The following PTPRT variants were observed in gnomAD, a reference collection of about 807,000 sequenced individuals.
PTPRT encodes the protein protein tyrosine phosphatase receptor type T.
A neutral mutation model predicts 176.8 loss-of-function variants in PTPRT; 56 were observed. The ratio of observed to expected loss-of-function variants is 0.32; its 90% confidence interval spans 0.26 to 0.40. PTPRT has a LOEUF of 0.40. Among genes scored for constraint, PTPRT ranks in the 10% least tolerant of loss-of-function variants. PTPRT has a pLI of 1.00. For synonymous variants in PTPRT, 783 were observed against 739.0 expected (o/e 1.06, Z -0.96); for missense variants, 1,540 against 1,908.2 (o/e 0.81, Z 3.60).
intron 1 of PTPRT, among the ~76,000 whole-genome samples, chr20:43,011,889 G>C (rs1254630721): frequency 6.6e-6 from 1 of 152,208 alleles, no homozygotes; most frequent in Non-Finnish European, 1.5e-5. Flanking sequence ...GACTTGCTGA[G>C]TCTTCCGGCC....
intron 2 of PTPRT, among the ~76,000 whole-genome samples, chr20:42,817,599 A>G (rs1201722971): frequency 6.6e-6 from 1 of 152,206 alleles, no homozygotes; most frequent in Non-Finnish European, 1.5e-5. Context: ...GGTGAGAAAA[A>G]CAATCTCTAA....
intron 9 of PTPRT, among the ~76,000 whole-genome samples, chr20:42,414,809 T>A (rs1213382914): frequency 6.6e-6 from 1 of 152,222 alleles, no homozygotes; most frequent in Non-Finnish European, 1.5e-5. Context: ...CAATTCTTCC[T>A]AAATTAATCT....
At chr20:42,861,228 G>A (rs956582208) in intron 2 of PTPRT, among the ~76,000 whole-genome samples, 9 of 152,226 alleles carry the variant, frequency 5.9e-5, no homozygotes, top group African/African-American at 7.2e-5. Flanking sequence ...GGGTGGTAAT[G>A]GCTTCCCAAA....
intron 1 of PTPRT, among the ~76,000 whole-genome samples, chr20:43,088,357 TG>T (rs1229199097): frequency 1.3e-5 from 2 of 150,452 alleles, no homozygotes; most frequent in African/African-American, 5.0e-5. Context: ...TGTGTGTGTG[TG>T]TGTGTGTGTG....
At chr20:42,466,050 T>C (rs1203945071) in intron 8 of PTPRT, among the ~76,000 whole-genome samples, 1 of 152,194 alleles carries the variant, frequency 6.6e-6, no homozygotes, top group Non-Finnish European at 1.5e-5. Context: ...CCTGTGTTAG[T>C]CTGCTGAGGA....
Position 42,832,892 on chromosome 20 carries a change from C to T in PTPRT, c.215-41426G>A, listed in dbSNP as rs113096595. Among the ~76,000 whole-genome samples, 1,308 of 150,226 alleles carry T rather than the reference C, an allele frequency of 8.7e-3. 15 individuals are homozygous for T. Among genetic ancestry groups the T allele is most frequent in the Non-Finnish European group, 0.013 (889 of 67,808 alleles). ...ACAGAGGTGGGAGGATTGTTTGAGC[C>T]GAGGAGTTTGAGATCAGCCTGGGCA... On this transcript the variant is annotated intron_variant, in intron 2 of 30. Transcript: ENST00000373187.
At chr20:42,379,810 G>A (rs1188221922) in intron 9 of PTPRT, among the ~76,000 whole-genome samples, 1 of 152,202 alleles carries the variant, frequency 6.6e-6, no homozygotes, top group Non-Finnish European at 1.5e-5. Context: ...GTGCCCCCAT[G>A]CTTTCCTCCA....
chr20:42,780,124 GT>G (rs1327043311), intron 4 of PTPRT, 93 bp downstream of exon 4: 17 of 1,010,882 alleles, frequency 1.7e-5, no homozygotes, highest in Non-Finnish European at 2.2e-5. Flanking sequence ...AGTGAGAGAT[GT>G]TTGTAAGCTG....
In PTPRT at chr20:42,458,682, C is replaced by T. The variant is rs535638848; in HGVS notation, c.1451-10353G>A. The stretch of plus-strand genomic sequence containing the variant: ...TGTGATGTCCTTACCTCAATCTGCT[C>T]TATCCGAATGATGTTATATTGCTAA... On this transcript the variant is annotated intron_variant, in intron 8 of 30. Coordinates refer to ENST00000373187, the MANE Select transcript of PTPRT (RefSeq NM_007050.6). 2.0e-5 allele frequency among the ~76,000 whole-genome samples: 3 copies of T among 152,254 alleles called. No individual in the cohort carries two copies. In the East Asian group the frequency reaches 5.8e-4, roughly 29 times the overall value.
intron 17 of PTPRT, among the ~76,000 whole-genome samples, chr20:42,154,684 C>T (rs1352583387): frequency 6.6e-6 from 1 of 152,230 alleles, no homozygotes; most frequent in African/African-American, 2.4e-5. Context: ...TCTCCCATCA[C>T]AAAGTCACCT....
At chr20:42,041,942 A>G in the PTPRT span, among the ~76,000 whole-genome samples, 4 of 152,062 alleles carry the variant, frequency 2.6e-5, no homozygotes, top group African/African-American at 7.2e-5. Context: ...TATTAAATAA[A>G]TTCACCCTGC....
intron 9 of PTPRT, among the ~76,000 whole-genome samples, chr20:42,379,868 G>A (rs78570746): frequency 0.077 from 11,725 of 152,262 alleles, 489 homozygotes; most frequent in African/African-American, 0.11. Flanking sequence ...ATTCTGTGAA[G>A]CTGATTGGAA....
chr20:43,142,491 C>T (rs954546346), intron 1 of PTPRT, among the ~76,000 whole-genome samples: 1 of 152,194 alleles, frequency 6.6e-6, no homozygotes, highest in East Asian at 1.9e-4. Flanking sequence ...GGGAAACAGC[C>T]CTGCCTGACC....
intron 2 of PTPRT, among the ~76,000 whole-genome samples, chr20:42,793,443 C>T (rs2145559139): frequency 6.6e-6 from 1 of 152,264 alleles, no homozygotes; most frequent in South Asian, 2.1e-4. Flanking sequence ...TATTGATTTT[C>T]TGTTTTGGAG....
intron 7 of PTPRT, among the ~76,000 whole-genome samples, chr20:42,670,181 GAC>G (rs1007710620): frequency 6.6e-6 from 1 of 152,088 alleles, no homozygotes; most frequent in Admixed American, 6.6e-5. Context: ...ATCAGGTTCT[GAC>G]ATCCTTTCCC....
chr20:42,797,426 T>C (rs2077468153), intron 2 of PTPRT, among the ~76,000 whole-genome samples: 1 of 152,164 alleles, frequency 6.6e-6, no homozygotes, highest in Non-Finnish European at 1.5e-5. Context: ...GGTCTTCCTT[T>C]ATAGGAAATT....
intron 7 of PTPRT, among the ~76,000 whole-genome samples, chr20:42,552,404 A>G (rs2072785529): frequency 6.6e-6 from 1 of 152,280 alleles, no homozygotes; most frequent in Middle Eastern, 3.4e-3. Flanking sequence ...ACATTATTCA[A>G]TAGTCTTGCC....
At chr20:42,652,080 CA>C (rs370533271) in intron 7 of PTPRT, among the ~76,000 whole-genome samples, 9,315 of 134,960 alleles carry the variant, frequency 0.069, 921 homozygotes, top group African/African-American at 0.22. Context: ...ACAAAAAAAA[CA>C]AAAAAAAAAA....
At chr20:42,523,698 T>C (rs1361814465) in intron 7 of PTPRT, among the ~76,000 whole-genome samples, 1 of 152,266 alleles carries the variant, frequency 6.6e-6, no homozygotes, top group African/African-American at 2.4e-5. Flanking sequence ...ATAAGTTTGA[T>C]ATTAGTTTTT....
Sources: gnomAD v4.1 joint callset for allele counts (sites outside exome capture counted in the v4.1 genomes callset) on GRCh38, gnomAD v4.1.1 for gene constraint, MANE v1.5 for transcripts, NCBI Gene and HGNC (gene_info 2026-07-23, HGNC 2026-07-21) for gene names.